The following DAB1 variants were observed in gnomAD, a reference collection of about 807,000 sequenced individuals.
DAB1 encodes disabled homolog 1.
In DAB1, 15 loss-of-function variants were observed where a neutral mutation model predicts 64.6. The ratio of observed to expected loss-of-function variants is 0.23; its 90% CI spans 0.16 to 0.36. The LOEUF is 0.36. DAB1 is among the 10% of genes least tolerant of loss of function. The pLI is 1.00. For missense variants in DAB1, 596 were observed against 706.7 expected (o/e 0.84, Z 1.78); for synonymous variants, 235 against 251.9 (o/e 0.93, Z 0.64).
rs567237318 is a variant in DAB1 at position 58,447,367 on chromosome 1, A to G, written n.257+58693T>C. On this transcript the variant is annotated intron_variant and non_coding_transcript_variant, in intron 3 of 20. Transcript: ENST00000485760. ...GTCATCTGTCAACATGAAAAAAAGGAGAGAGTTGATCAACTTTCAGTCTCA... is the reference window on the plus strand; with the variant it reads ...GTCATCTGTCAACATGAAAAAAAGGGGAGAGTTGATCAACTTTCAGTCTCA... Among the ~76,000 whole-genome samples the G allele has an allele frequency of 1.3e-3, 199 of 151,450 alleles. 1 individual carries two copies. The highest frequency in any genetic ancestry group is 4.5e-3 in the African/African-American group (187 of 41,528).
chr1:57,274,205 A>G (rs547370689), intron 2 of DAB1, among the ~76,000 whole-genome samples: 41 of 152,332 alleles, frequency 2.7e-4, no homozygotes, highest in African/African-American at 9.9e-4. Flanking sequence ...AAAAATTAAA[A>G]CTCAGTAAGG....
intron 7 of DAB1, among the ~76,000 whole-genome samples, chr1:57,600,437 GA>G (rs1645563614): frequency 1.3e-5 from 2 of 152,186 alleles, no homozygotes; most frequent in African/African-American, 4.8e-5. Flanking sequence ...AGCCTTTCTA[GA>G]ACAAAGCAGG....
At chr1:57,411,561 A>G (rs1298846242) in intron 1 of DAB1, among the ~76,000 whole-genome samples, 28 of 152,244 alleles carry the variant, frequency 1.8e-4, no homozygotes, top group Admixed American at 1.8e-3. Context: ...GTGTCTAACC[A>G]GAAGAGAACT....
intron 5 of DAB1, among the ~76,000 whole-genome samples, chr1:57,911,505 C>G (rs1261079743): frequency 6.6e-6 from 1 of 152,142 alleles, no homozygotes; most frequent in Non-Finnish European, 1.5e-5. Context: ...TTGTTGATCT[C>G]AGGCCTCTTC....
intron 6 of DAB1, among the ~76,000 whole-genome samples, chr1:57,758,752 T>G (rs1648933903): frequency 6.7e-6 from 1 of 148,286 alleles, no homozygotes; most frequent in African/African-American, 2.5e-5. Context: ...AATAGTTTTG[T>G]TTTTTTTTTA....
intron 7 of DAB1, among the ~76,000 whole-genome samples, chr1:57,523,782 G>C (rs555505483): frequency 6.6e-6 from 1 of 151,916 alleles, no homozygotes; most frequent in Non-Finnish European, 1.5e-5. Flanking sequence ...AAAATTAGCC[G>C]GGTGTGATGG....
intron 6 of DAB1, among the ~76,000 whole-genome samples, chr1:57,762,108 A>G (rs1402279679): frequency 6.6e-6 from 1 of 152,192 alleles, no homozygotes; most frequent in Non-Finnish European, 1.5e-5. Context: ...TAGTGATAGA[A>G]AAATTCTATT....
intron 11 of DAB1, among the ~76,000 whole-genome samples, chr1:57,021,142 T>A (rs749673275): frequency 6.6e-6 from 1 of 152,228 alleles, no homozygotes; most frequent in Non-Finnish European, 1.5e-5. Flanking sequence ...AACATGCTAA[T>A]TGAAATTAAT....
intron 7 of DAB1, among the ~76,000 whole-genome samples, chr1:57,563,138 G>A (rs1645073005): frequency 6.6e-6 from 1 of 152,150 alleles, no homozygotes; most frequent in African/African-American, 2.4e-5. Context: ...GGTGTTTGCT[G>A]AAGGCAAAGG....
intron 1 of DAB1, among the ~76,000 whole-genome samples, chr1:57,837,206 T>C (rs574331225): frequency 6.6e-6 from 1 of 152,352 alleles, no homozygotes; most frequent in African/African-American, 2.4e-5. Context: ...AATGATCTTT[T>C]TAAAAAACAA....
chr1:58,523,401 A>G (rs1037989227), intron 2 of DAB1, among the ~76,000 whole-genome samples: 1 of 152,148 alleles, frequency 6.6e-6, no homozygotes, highest in Non-Finnish European at 1.5e-5. Flanking sequence ...AGACTTTCAT[A>G]ATGTTCTATC....
At chr1:58,044,250 T>C (rs1412660810) in intron 5 of DAB1, among the ~76,000 whole-genome samples, 2 of 152,080 alleles carry the variant, frequency 1.3e-5, no homozygotes, top group African/African-American at 2.4e-5. Context: ...TGGTTTGGGA[T>C]TGCATCTCCA....
At chr1:57,486,565 A>G (rs1644094484) in intron 7 of DAB1, among the ~76,000 whole-genome samples, 1 of 152,218 alleles carries the variant, frequency 6.6e-6, no homozygotes, top group Non-Finnish European at 1.5e-5. Context: ...CCTGAGGGGA[A>G]TTTTACTCAA....
At chr1:58,546,297 G>A (rs1007306524) in intron 1 of DAB1, among the ~76,000 whole-genome samples, 2 of 152,240 alleles carry the variant, frequency 1.3e-5, no homozygotes, top group African/African-American at 4.8e-5. Flanking sequence ...AGAGGTGCCG[G>A]GTGAGGAGCC....
intron 2 of DAB1, among the ~76,000 whole-genome samples, chr1:57,154,025 C>T (rs1659975116): frequency 6.6e-6 from 1 of 152,148 alleles, no homozygotes; most frequent in African/African-American, 2.4e-5. Flanking sequence ...GAGTATCTAT[C>T]TCTCAAGCAT....
At position 57,300,613 on chromosome 1, in the gene DAB1, G is replaced by A. The variant is rs564162467; in HGVS notation, c.-136-9447C>T. ...GCAACAAGAGGCAAGTCTGCAGAAG[G>A]AGAGATAGGCCAGAATGCAATGGGC... On this transcript the variant is annotated intron_variant, in intron 1 of 14. Transcript: ENST00000371236. 1.4e-4 allele frequency among the ~76,000 whole-genome samples: 21 copies of A among 152,272 alleles called. No homozygotes were observed. In the South Asian group the frequency reaches 3.5e-3, roughly 26 times the overall value.
At chr1:58,377,494 G>A (rs1345998535) in intron 3 of DAB1, among the ~76,000 whole-genome samples, 1 of 137,288 alleles carries the variant, frequency 7.3e-6, no homozygotes, top group East Asian at 2.0e-4. Flanking sequence ...CTTTAAGAAT[G>A]TTGAATATTG....
chr1:58,113,547 AGT>A (rs1302924628), intron 5 of DAB1, among the ~76,000 whole-genome samples: 1 of 152,098 alleles, frequency 6.6e-6, no homozygotes, highest in Non-Finnish European at 1.5e-5. Flanking sequence ...GTGTAATGAG[AGT>A]GTGTGTATGA....
At chr1:57,647,078 C>T (rs1362076259) in intron 7 of DAB1, among the ~76,000 whole-genome samples, 1 of 152,108 alleles carries the variant, frequency 6.6e-6, no homozygotes, top group Admixed American at 6.5e-5. Context: ...AGTACAAGCA[C>T]CTAGGGAACA....
Sources: gnomAD v4.1 joint callset for allele counts (sites outside exome capture counted in the v4.1 genomes callset) on GRCh38, gnomAD v4.1.1 for gene constraint, MANE v1.5 for transcripts, NCBI Gene and HGNC (gene_info 2026-07-23, HGNC 2026-07-21) for gene names.